Variants in DOC2B observed in about 807,000 individuals in gnomAD.
DOC2B encodes the protein double C2 domain beta, also known as double C2-like domain-containing protein beta.
A neutral mutation model predicts 28.9 loss-of-function variants in DOC2B; 21 were observed. The observed-to-expected ratio is 0.73, with a 90% CI of 0.52 to 1.05. The LOEUF (loss-of-function observed/expected upper bound fraction) is 1.05, where lower values mean the gene tolerates loss of function less well. Among genes scored for constraint, DOC2B ranks in the 50% least tolerant of loss-of-function variants. The pLI, the probability that DOC2B is intolerant of heterozygous loss-of-function variation, is 0.00. For synonymous variants in DOC2B, 194 were observed against 178.1 expected (o/e 1.09, Z -0.71); for missense variants, 384 against 421.1 (o/e 0.91, Z 0.77).
At position 161,457 on chromosome 17, in the gene DOC2B, GT is replaced by G. The variant is rs1319039045; in HGVS notation, c.722del (p.Asn241ThrfsTer45). ...GGCAGATGCTGAAGGTCTTGGTGTG[GT>G]TGGGTTTCAGCTTCTTCAGGGGCAC... ...TRVPLKKLKP[N>X]HTKTFSICLE... On this transcript the variant is annotated frameshift_variant, in exon 5 of 9. Coordinates refer to ENST00000613549, the MANE Select transcript of DOC2B (RefSeq NM_003585.5). LOFTEE classifies it high-confidence loss of function. The G allele has an allele frequency of 6.4e-7, 1 of 1,551,608 alleles. No individual in the cohort carries two copies. The highest frequency in any genetic ancestry group is 8.7e-7 in the Non-Finnish European group (1 of 1,147,000).
intron 1 of DOC2B, among the ~76,000 whole-genome samples, chr17:180,401 G>A (rs2040426457): frequency 6.6e-6 from 1 of 151,982 alleles, no homozygotes; most frequent in Admixed American, 6.6e-5. Context: ...GGGGGAGCGG[G>A]CTGGGGGGCC....
chr17:161,606 G>A, intron 4 of DOC2B, 65 bp from the exon 5 acceptor site: 1 of 1,543,282 alleles, frequency 6.5e-7, no homozygotes, highest in Non-Finnish European at 8.8e-7. Context: ...GTGGAGGTGT[G>A]CGCAGGTAGG....
chr17:181,285 G>C lies in DOC2B; in HGVS notation c.195C>G (p.Ala65=). 3.3e-6 allele frequency: 4 copies of C among 1,198,228 alleles called. No homozygotes were observed. In the South Asian group the frequency reaches 1.7e-4, roughly 50 times the overall value. 74.2% of individuals were successfully genotyped at this position (1,198,228 alleles called of 1,614,324 possible). Residue 65 remains alanine (A), a synonymous_variant, in exon 1 of 9, where the codon GCC becomes GCG. Coordinates refer to ENST00000613549, the MANE Select transcript of DOC2B (RefSeq NM_003585.5). The surrounding 1 kb of genome is among the most constrained non-coding windows in gnomAD (Gnocchi z 7.0). ...CGGAGGGGCTGCGGCGGCCGGCACC[G>C]GCCACAGCCGGGCGCGCGGGGGCGT... ...PPDAPARPAV[A]GAGRRSPSDG...
At chr17:161,277 C>T (rs2040199255) in intron 5 of DOC2B, 138 bp downstream of exon 5, 2 of 906,920 alleles carry the variant, frequency 2.2e-6, no homozygotes, top group Admixed American at 2.1e-5. Flanking sequence ...ACCCCCTTGA[C>T]TCTCCATGCT....
At chr17:154,036 A>G (rs1426467257) in intron 6 of DOC2B, among the ~76,000 whole-genome samples, 4 of 152,202 alleles carry the variant, frequency 2.6e-5, no homozygotes, top group Non-Finnish European at 4.4e-5. Context: ...AGAGTCCTGC[A>G]ACACGTGGCC....
At chr17:150,484 GAA>G (rs1567526305) in intron 6 of DOC2B, among the ~76,000 whole-genome samples, 2 of 135,628 alleles carry the variant, frequency 1.5e-5, no homozygotes, top group Non-Finnish European at 3.2e-5. Context: ...TTCCTCTCCA[GAA>G]AGGCTGCATG....
intron 1 of DOC2B, among the ~76,000 whole-genome samples, chr17:177,266 T>C (rs2040380993): frequency 6.6e-6 from 1 of 152,114 alleles, no homozygotes; most frequent in Non-Finnish European, 1.5e-5. Flanking sequence ...ACATCTTCAT[T>C]CATCTGCTTT....
chr17:159,363 C>T (rs754257309), intron 5 of DOC2B, among the ~76,000 whole-genome samples: 4 of 151,680 alleles, frequency 2.6e-5, no homozygotes, highest in Non-Finnish European at 5.9e-5. Context: ...TGGTGGCGCA[C>T]ACCTGTAATC....
Position 147,145 on chromosome 17 carries a change from TG to T in DOC2B, c.*295del, listed in dbSNP as rs1386167123. 3.2e-6 allele frequency: 1 copy of T among 309,492 alleles called. No individual in the cohort carries two copies. Among genetic ancestry groups the T allele is most frequent in the Non-Finnish European group, 5.9e-6 (1 of 169,698 alleles). The allele number at this position is 309,492 out of a possible 1,614,324, so 19.2% of individuals were successfully genotyped here. A position where few individuals can be genotyped will look rare whatever the true frequency, so the allele number is the denominator to read the frequency against. ...CGGGGCTGGCCTCTAGAAGGGTCTT[TG>T]CTCCCAGATGGGCGTGTCCCCTTCC... is the stretch of plus-strand genomic sequence containing the variant. On this transcript the variant is annotated 3_prime_UTR_variant, in exon 9 of 9. Transcript: ENST00000613549.
rs1236464922 is a variant in DOC2B at position 144,090 on chromosome 17, CGGGGCGGCGGGCG to C, written c.*3338_*3350del. The stretch of plus-strand genomic sequence containing the variant: ...CGCAGGCGGCGGGCGGGGCGGCGGG[CGGGGCGGCGGGCG>C]GGGCGGCGCTGGAGGCAGCGCCTGG... On this transcript the variant is annotated 3_prime_UTR_variant, in exon 9 of 9. Coordinates refer to ENST00000613549, the MANE Select transcript of DOC2B (RefSeq NM_003585.5). 2.0e-5 allele frequency: 1 copy of C among 49,404 alleles called. No individual in the cohort carries two copies. Among genetic ancestry groups the C allele is most frequent in the Non-Finnish European group, 3.8e-5 (1 of 26,450 alleles). 3.1% of individuals were successfully genotyped at this position (49,404 alleles called of 1,614,324 possible).
chr17:176,652 G>A (rs2033113469), intron 1 of DOC2B, among the ~76,000 whole-genome samples: 1 of 152,236 alleles, frequency 6.6e-6, no homozygotes, highest in South Asian at 2.1e-4. Context: ...CTGCCCTGGA[G>A]AGCCCTCCGA....
intron 1 of DOC2B, among the ~76,000 whole-genome samples, chr17:179,848 A>C (rs2040416742): frequency 6.6e-6 from 1 of 152,278 alleles, no homozygotes; most frequent in South Asian, 2.1e-4. Flanking sequence ...TAGAAAGTGC[A>C]AAGCAGGCAG....
rs2040013198 is a variant in DOC2B at position 145,654 on chromosome 17, G to A, written c.*1787C>T. 6.6e-6 allele frequency: 1 copy of A among 152,388 alleles called. No homozygotes were observed. Among genetic ancestry groups the A allele is most frequent in the African/African-American group, 2.4e-5 (1 of 41,446 alleles). 9.4% of individuals were successfully genotyped at this position (152,388 alleles called of 1,614,324 possible). A position where few individuals can be genotyped will look rare whatever the true frequency, so the allele number is the denominator to read the frequency against. On this transcript the variant is annotated 3_prime_UTR_variant, in exon 9 of 9. Coordinates refer to ENST00000613549, the MANE Select transcript of DOC2B (RefSeq NM_003585.5). The stretch of plus-strand genomic sequence containing the variant: ...ATCATAACCCTGGACCTCAGGTGGT[G>A]GTGTGCTTTGTGTCTGCAGTGGAAG...
intron 2 of DOC2B, among the ~76,000 whole-genome samples, chr17:165,397 G>A (rs1374086996): frequency 1.3e-5 from 2 of 151,426 alleles, no homozygotes; most frequent in Admixed American, 6.6e-5. Context: ...TGGGAGGATC[G>A]CTTGAACCTG....
chr17:148,503 C>A (rs2040039327), intron 7 of DOC2B, among the ~76,000 whole-genome samples: 1 of 152,124 alleles, frequency 6.6e-6, no homozygotes, highest in South Asian at 2.1e-4. Flanking sequence ...TCTCCCCACA[C>A]CCCGGGAGCC....
At chr17:176,257 G>A (rs1222161733) in intron 1 of DOC2B, among the ~76,000 whole-genome samples, 1 of 151,690 alleles carries the variant, frequency 6.6e-6, no homozygotes, top group Non-Finnish European at 1.5e-5. Flanking sequence ...ACAGTGGTGC[G>A]ATCACAGTTC....
At chr17:161,842 C>T (rs1443203966) in intron 4 of DOC2B, among the ~76,000 whole-genome samples, 1 of 152,196 alleles carries the variant, frequency 6.6e-6, no homozygotes, top group Non-Finnish European at 1.5e-5. Context: ...CTCCAGCACC[C>T]TGAGAGGCCC....
intron 2 of DOC2B, among the ~76,000 whole-genome samples, chr17:170,513 G>GA (rs1471846467): frequency 2.6e-5 from 4 of 152,146 alleles, no homozygotes. Flanking sequence ...CAGGTTGGGA[G>GA]GCTGGGTGGG....
At chr17:156,494 C>A in intron 5 of DOC2B, 117 bp from the exon 6 acceptor site, 1 of 1,144,670 alleles carries the variant, frequency 8.7e-7, no homozygotes, top group Non-Finnish European at 1.2e-6. Flanking sequence ...TGGTCACGGT[C>A]CCTGGTGAGT....
Sources: gnomAD v4.1 joint callset for allele counts (sites outside exome capture counted in the v4.1 genomes callset) on GRCh38, gnomAD v4.1.1 for gene constraint, Gnocchi (gnomAD v3.1) non-coding constraint, MANE v1.5 for transcripts, NCBI Gene and HGNC (gene_info 2026-07-23, HGNC 2026-07-21) for gene names.